CTXND1: variants seen among roughly 807,000 people sequenced by gnomAD.
The protein encoded by CTXND1 is cortexin domain-containing 1 protein.
In CTXND1 at chr15:80,200,877, T is replaced by C. The variant is rs2041445557; in HGVS notation, c.*893A>G. On this transcript the variant is annotated 3_prime_UTR_variant, in exon 3 of 3. Transcript: ENST00000560778. ...TAATTAAATATGCAACCAAAGGAGATGATTTTTTAACCATGACCTACCCAA... is the reference window on the plus strand; with the variant it reads ...TAATTAAATATGCAACCAAAGGAGACGATTTTTTAACCATGACCTACCCAA... 6.6e-6 allele frequency: 1 copy of C among 152,164 alleles called. No individual in the cohort carries two copies. Among genetic ancestry groups the C allele is most frequent in the South Asian group, 2.1e-4 (1 of 4,832 alleles). The allele number at this position is 152,164 out of a possible 1,614,324, so 9.4% of individuals were successfully genotyped here.
intron 1 of CTXND1, among the ~76,000 whole-genome samples, chr15:80,205,903 C>G (rs1458566006): frequency 6.6e-6 from 1 of 151,902 alleles, no homozygotes; most frequent in Non-Finnish European, 1.5e-5. Context: ...AGACCAAACC[C>G]CTGGTGTTTC....
rs1327692501 is a variant in CTXND1, at chr15:80,198,576, A to G, written c.*3194T>C. 6.6e-6 allele frequency: 1 copy of G among 152,240 alleles called. No homozygotes were observed. Among genetic ancestry groups the G allele is most frequent in the Non-Finnish European group, 1.5e-5 (1 of 68,030 alleles). 9.4% of individuals were successfully genotyped at this position (152,240 alleles called of 1,614,324 possible). The stretch of plus-strand genomic sequence containing the variant: ...ACCATCTCCTCTATGCTTCAGCAGC[A>G]TAATGCAACAACTGAAGCCTGAGAT... On this transcript the variant is annotated 3_prime_UTR_variant, in exon 3 of 3. Coordinates refer to ENST00000560778, the MANE Select transcript of CTXND1 (RefSeq NM_001352888.2).
chr15:80,224,748 A>G (rs1216245077), intron 1 of CTXND1, among the ~76,000 whole-genome samples: 1 of 152,062 alleles, frequency 6.6e-6, no homozygotes, highest in Non-Finnish European at 1.5e-5. Flanking sequence ...GTGTTTTTTG[A>G]GTAGTTTTAA....
intron 1 of CTXND1, among the ~76,000 whole-genome samples, chr15:80,239,648 T>G (rs1468616722): frequency 6.6e-6 from 1 of 152,200 alleles, no homozygotes; most frequent in Non-Finnish European, 1.5e-5. Context: ...ACCTTATGAT[T>G]GTGTAAGTTA....
At chr15:80,249,021 C>T (rs1277802337) in intron 1 of CTXND1, among the ~76,000 whole-genome samples, 1 of 152,116 alleles carries the variant, frequency 6.6e-6, no homozygotes, top group Admixed American at 6.5e-5. Flanking sequence ...GGTGCAATCA[C>T]AGTTCACTGC....
At chr15:80,248,380 C>T (rs570276080) in intron 1 of CTXND1, among the ~76,000 whole-genome samples, 25 of 152,206 alleles carry the variant, frequency 1.6e-4, no homozygotes, top group South Asian at 4.1e-4. Context: ...TTATAGGAGA[C>T]GCAGCGGAAA....
chr15:80,206,876 A>T (rs913931847), intron 1 of CTXND1, among the ~76,000 whole-genome samples: 2 of 152,128 alleles, frequency 1.3e-5, no homozygotes, highest in South Asian at 4.1e-4. Context: ...AGTGACATCT[A>T]TTTAAGGCTT....
chr15:80,203,967 C>T (rs1043484306), intron 1 of CTXND1, among the ~76,000 whole-genome samples: 10 of 150,568 alleles, frequency 6.6e-5, no homozygotes, highest in Non-Finnish European at 1.2e-4. Flanking sequence ...CTCAGGAGTT[C>T]GAGACCAGCA....
chr15:80,247,861 C>T lies in CTXND1; in HGVS notation c.-218+4146G>A, dbSNP rs187423476. ...CCCAGGGAAAGGGAACATGCTTTGA[C>T]TATCACCGCACAATTCTGCCATACT... On this transcript the variant is annotated intron_variant, in intron 1 of 2. Transcript: ENST00000560778. Among the ~76,000 whole-genome samples the T allele has an allele frequency of 1.4e-4, 22 of 152,264 alleles. No individual in the cohort carries two copies. In the East Asian group the frequency reaches 3.9e-3, roughly 27 times the overall value.
chr15:80,202,789 C>T (rs532521679), intron 2 of CTXND1, among the ~76,000 whole-genome samples: 20 of 152,322 alleles, frequency 1.3e-4, no homozygotes, highest in South Asian at 2.1e-4. Context: ...CTCCTGCTGA[C>T]GCCAGCACAT....
intron 1 of CTXND1, among the ~76,000 whole-genome samples, chr15:80,220,893 AT>A (rs1893306838): frequency 6.8e-6 from 1 of 147,332 alleles, no homozygotes; most frequent in South Asian, 2.2e-4. Flanking sequence ...TTATTAATTA[AT>A]TTATTATTAT....
chr15:80,251,604 C>G (rs1449705220), intron 1 of CTXND1, among the ~76,000 whole-genome samples: 1 of 152,190 alleles, frequency 6.6e-6, no homozygotes, highest in East Asian at 1.9e-4. Flanking sequence ...GCAGAGAGGC[C>G]GAGGATCCCC....
intron 1 of CTXND1, among the ~76,000 whole-genome samples, chr15:80,224,799 A>C (rs950215988): frequency 6.6e-6 from 1 of 152,218 alleles, no homozygotes; most frequent in Admixed American, 6.5e-5. Context: ...GCTGGAGTGC[A>C]GTGGCTTGAT....
chr15:80,222,741 A>G (rs1202356256), intron 1 of CTXND1, among the ~76,000 whole-genome samples: 1 of 152,090 alleles, frequency 6.6e-6, no homozygotes, highest in African/African-American at 2.4e-5. Flanking sequence ...TTGTTCTATA[A>G]TGCTTTTTAT....
Position 80,243,011 on chromosome 15 carries a change from T to C in CTXND1, c.-218+8996A>G, listed in dbSNP as rs116383833. On this transcript the variant is annotated intron_variant, in intron 1 of 2. Transcript: ENST00000560778. ...AGGAGGCTTGGATTTGTGAAAGACT[T>C]GATCTGTGACCACATGAGCTGCAGC... Among the ~76,000 whole-genome samples the C allele has an allele frequency of 4.2e-3, 636 of 152,354 alleles. 7 individuals are homozygous for C. The highest frequency in any genetic ancestry group is 0.014 in the African/African-American group (599 of 41,586).
At chr15:80,212,582 G>T (rs1893212721) in intron 1 of CTXND1, among the ~76,000 whole-genome samples, 1 of 152,162 alleles carries the variant, frequency 6.6e-6, no homozygotes, top group South Asian at 2.1e-4. Context: ...GTAAAACTTA[G>T]ATGTGTCACT....
chr15:80,231,079 G>A (rs1390566601), intron 1 of CTXND1, among the ~76,000 whole-genome samples: 3 of 151,780 alleles, frequency 2.0e-5, no homozygotes, highest in African/African-American at 7.3e-5. Flanking sequence ...AAAAAAGTGT[G>A]TTGCTTAATT....
At chr15:80,228,518 T>A (rs572727121) in intron 1 of CTXND1, among the ~76,000 whole-genome samples, 27 of 152,280 alleles carry the variant, frequency 1.8e-4, no homozygotes, top group African/African-American at 6.0e-4. Flanking sequence ...GTTTCCTTCA[T>A]GTTATGCCAG....
chr15:80,232,708 C>T lies in CTXND1; in HGVS notation c.-218+19299G>A, dbSNP rs368534749. On this transcript the variant is annotated intron_variant, in intron 1 of 2. Coordinates refer to ENST00000560778, the MANE Select transcript of CTXND1 (RefSeq NM_001352888.2). ...TAAAACTCTCCATCTCCCCAAAGCACCAGCAGGTAGTTTCTCTTTCACAAG... is the reference window on the plus strand; with the variant it reads ...TAAAACTCTCCATCTCCCCAAAGCATCAGCAGGTAGTTTCTCTTTCACAAG... Among the ~76,000 whole-genome samples the T allele has an allele frequency of 2.0e-5, 3 of 152,318 alleles. No individual in the cohort carries two copies. In the South Asian group the frequency reaches 6.2e-4, roughly 32 times the overall value.
Sources: gnomAD v4.1 joint callset for allele counts (sites outside exome capture counted in the v4.1 genomes callset) on GRCh38, gnomAD v4.1.1 for gene constraint, MANE v1.5 for transcripts, NCBI Gene and HGNC (gene_info 2026-07-23, HGNC 2026-07-21) for gene names.